Variants in AADAT observed in about 807,000 individuals in gnomAD.
The protein encoded by AADAT is aminoadipate aminotransferase.
In AADAT, 25 loss-of-function variants were observed where a neutral mutation model predicts 56.2. That is an observed-to-expected ratio of 0.44 (90% confidence interval 0.32 to 0.62). AADAT has a LOEUF of 0.62. AADAT is among the 20% of genes least tolerant of loss of function. The probability of loss-of-function intolerance (pLI) is 0.04; values close to 1 mark genes in which losing one functional copy is unlikely to be tolerated. For missense variants in AADAT, 387 were observed against 510.5 expected, an observed-to-expected ratio of 0.76 and a Z score of 2.33; for synonymous variants, 173 against 164.7, an observed-to-expected ratio of 1.05 and a Z score of -0.39.
At chr4:170,091,239 A>G (rs922598238), upstream of AADAT, among the ~76,000 whole-genome samples, 51 of 152,208 alleles carry the variant, frequency 3.4e-4, no homozygotes, top group Admixed American at 1.1e-3. Context: ...AGGGAGAGGC[A>G]CGGGCGGGAA....
At chr4:170,069,520 C>G (rs17546559) in intron 6 of AADAT, among the ~76,000 whole-genome samples, 7,993 of 152,214 alleles carry the variant, frequency 0.053, 241 homozygotes, top group Middle Eastern at 0.088. Flanking sequence ...GCCCTCTTTG[C>G]CCCAGAGGTT....
intron 5 of AADAT, among the ~76,000 whole-genome samples, chr4:170,072,095 C>T (rs1731793428): frequency 6.6e-6 from 1 of 152,012 alleles, no homozygotes; most frequent in African/African-American, 2.4e-5. Flanking sequence ...ATGTGCCGGT[C>T]ATCGTGTACG....
At chr4:170,070,712 A>T (rs1271101276) in intron 5 of AADAT, 60 bp from the exon 6 acceptor site, 2 of 1,174,416 alleles carry the variant, frequency 1.7e-6, no homozygotes, top group African/African-American at 1.6e-5. Flanking sequence ...AAAGTTATCT[A>T]AAATTAAATT....
upstream of AADAT, among the ~76,000 whole-genome samples, chr4:170,092,515 C>T (rs1732897208): frequency 6.6e-6 from 1 of 152,340 alleles, no homozygotes; most frequent in East Asian, 1.9e-4. Context: ...ACTGTTAACA[C>T]ACCGCGAGTG....
At position 170,082,600 on chromosome 4, in the gene AADAT, G is replaced by T. The variant is rs1581593053; in HGVS notation, c.370-4017C>A. Among the ~76,000 whole-genome samples the T allele has an allele frequency of 2.0e-5, 3 of 152,186 alleles. No individual in the cohort carries two copies. The East Asian group carries it at 5.8e-4, about 29-fold the overall frequency. ...TAACTTATCAATAATAACACTGAAT[G>T]GAAATGGTCTACATTCTCCCATTAA... is the stretch of plus-strand genomic sequence containing the variant. On this transcript the variant is annotated intron_variant, in intron 3 of 12. Transcript: ENST00000337664.
At chr4:170,064,903 A>G (rs942752366) in intron 10 of AADAT, 78 bp from the exon 11 acceptor site, 8 of 1,247,238 alleles carry the variant, frequency 6.4e-6, no homozygotes, top group South Asian at 5.4e-5. Flanking sequence ...GTTAAATGGC[A>G]TAAGTATAGT....
chr4:170,064,052 A>G (rs1454898408), intron 11 of AADAT, among the ~76,000 whole-genome samples: 1 of 152,208 alleles, frequency 6.6e-6, no homozygotes, highest in African/African-American at 2.4e-5. Context: ...TTAACTATGT[A>G]ACATAAGTGC....
At chr4:170,088,819 A>T (rs1732691840) in intron 1 of AADAT, among the ~76,000 whole-genome samples, 1 of 152,070 alleles carries the variant, frequency 6.6e-6, no homozygotes, top group Non-Finnish European at 1.5e-5. Context: ...TGGTGCACTT[A>T]TAAAAGAGGG....
At chr4:170,073,703 G>T (rs1038906507) in intron 4 of AADAT, among the ~76,000 whole-genome samples, 1 of 152,006 alleles carries the variant, frequency 6.6e-6, no homozygotes, top group African/African-American at 2.4e-5. Context: ...GTTTCACCAT[G>T]TTAGCCAGGA....
At chr4:170,069,472 A>G (rs1369523290) in intron 6 of AADAT, among the ~76,000 whole-genome samples, 1 of 152,232 alleles carries the variant, frequency 6.6e-6, no homozygotes, top group Non-Finnish European at 1.5e-5. Context: ...TATTTGCTCC[A>G]GATGCCATTA....
In AADAT at chr4:170,060,869, C is replaced by A; in HGVS notation, c.*59G>T. On this transcript the variant is annotated 3_prime_UTR_variant, in exon 13 of 13. Coordinates refer to ENST00000337664, the MANE Select transcript of AADAT (RefSeq NM_016228.4). ...GGTTCAAGTGATCCTCCCTCCTCTG[C>A]CTCCCAAAGTGCTGGGATTATAGGT... 1 of 1,388,484 alleles carries A rather than the reference C, an allele frequency of 7.2e-7. No homozygotes were observed. 86.0% of individuals were successfully genotyped at this position (1,388,484 alleles called of 1,614,324 possible). A position where few individuals can be genotyped will look rare whatever the true frequency, so the allele number is the denominator to read the frequency against.
intron 3 of AADAT, among the ~76,000 whole-genome samples, chr4:170,079,220 G>A (rs771031723): frequency 2.6e-5 from 4 of 152,192 alleles, no homozygotes; most frequent in Non-Finnish European, 5.9e-5. Flanking sequence ...AGGCATCCTG[G>A]AGGAAGCGAT....
Position 170,073,178 on chromosome 4 carries a change from A to G in AADAT, c.612T>C (p.Thr204=). Residue 204 remains threonine (T), a synonymous_variant, in exon 5 of 13, where the codon ACT becomes ACC. Coordinates refer to ENST00000337664, the MANE Select transcript of AADAT (RefSeq NM_016228.4). ...LYTVPNGNNP[T]GNSLTSERKK... ...TGCGTTCACTGGTTAATGAGTTTCCAGTAGGGTTGTTGCCATTTGGAACAG... is the reference window on the plus strand; with the variant it reads ...TGCGTTCACTGGTTAATGAGTTTCCGGTAGGGTTGTTGCCATTTGGAACAG... The G allele has an allele frequency of 2.5e-6, 4 of 1,614,154 alleles. No individual in the cohort carries two copies. The South Asian group carries it at 3.3e-5, about 13-fold the overall frequency.
intron 4 of AADAT, among the ~76,000 whole-genome samples, chr4:170,076,510 A>C (rs2111183526): frequency 6.6e-6 from 1 of 152,304 alleles, no homozygotes; most frequent in Admixed American, 6.5e-5. Context: ...GGCCTTCTGC[A>C]CATGTTCTTC....
At chr4:170,067,223 G>A (rs112636287) in intron 9 of AADAT, 104 bp downstream of exon 9, 41 of 856,936 alleles carry the variant, frequency 4.8e-5, no homozygotes, top group African/African-American at 4.0e-4. Context: ...TCTCCTTTCC[G>A]AGGATACTTA....
chr4:170,083,642 T>C lies in AADAT; in HGVS notation c.369+3474A>G, dbSNP rs1240207856. On this transcript the variant is annotated intron_variant, in intron 3 of 12. Transcript: ENST00000337664. ...AACGGCCAAAAGGCATTAAAAAAGT[T>C]CAATATTACCAATGCAATCAGAAAA... Among the ~76,000 whole-genome samples, 4 of 152,114 alleles carry C rather than the reference T, an allele frequency of 2.6e-5. No homozygotes were observed. In the South Asian group the frequency reaches 8.3e-4, roughly 31 times the overall value.
At chr4:170,079,565 A>G (rs1732193414) in intron 3 of AADAT, among the ~76,000 whole-genome samples, 1 of 152,184 alleles carries the variant, frequency 6.6e-6, no homozygotes, top group South Asian at 2.1e-4. Context: ...GGTCATCTTA[A>G]AGTAGAGTGG....
chr4:170,062,106 A>C, intron 11 of AADAT, 113 bp from the exon 12 acceptor site: 1 of 565,390 alleles, frequency 1.8e-6, no homozygotes, highest in East Asian at 3.1e-5. Flanking sequence ...AAAGCAGTTA[A>C]AGAAATCACA....
chr4:170,070,694 ATTTC>A, intron 5 of AADAT, 42 bp from the exon 6 acceptor site: 3 of 1,332,242 alleles, frequency 2.3e-6, no homozygotes, highest in African/African-American at 1.5e-5. Context: ...TAATCTATTT[ATTTC>A]TTAAAAGTTA....
Sources: allele counts gnomAD v4.1 joint callset (sites outside exome capture counted in the v4.1 genomes callset), GRCh38; gene constraint gnomAD v4.1.1; transcripts MANE v1.5; gene names NCBI Gene and HGNC (gene_info 2026-07-23, HGNC 2026-07-21).